The following ZNF790 variants were observed in gnomAD, a reference collection of about 807,000 sequenced individuals.
The protein encoded by ZNF790 is zinc finger protein 790.
ZNF790 carries 8 observed loss-of-function variants against 12.1 expected under a neutral mutation model. That is an observed-to-expected ratio of 0.66 (90% CI 0.39 to 1.19). The LOEUF (loss-of-function observed/expected upper bound fraction) is 1.19. ZNF790 is among the 50% of genes most tolerant of loss of function. The pLI is 0.01. For synonymous variants in ZNF790, 252 were observed against 244.3 expected (o/e 1.03, Z -0.29); for missense variants, 707 against 752.2 (o/e 0.94, Z 0.70).
intron 1 of ZNF790, among the ~76,000 whole-genome samples, chr19:36,831,692 T>C (rs2071948285): frequency 6.6e-6 from 1 of 152,152 alleles, no homozygotes; most frequent in South Asian, 2.1e-4. Flanking sequence ...AGAGATCCAA[T>C]ATGCAAAACG....
At chr19:36,827,215 G>A (rs1488968263) in intron 1 of ZNF790, among the ~76,000 whole-genome samples, 1 of 144,430 alleles carries the variant, frequency 6.9e-6, no homozygotes, top group Non-Finnish European at 1.5e-5. Context: ...ACCAGACTGG[G>A]AAGCAACAGC....
intron 1 of ZNF790, among the ~76,000 whole-genome samples, chr19:36,831,729 T>C (rs541673236): frequency 6.6e-6 from 1 of 152,196 alleles, no homozygotes; most frequent in South Asian, 2.1e-4. Context: ...GAAATCCAAA[T>C]TAAGAGGATA....
At position 36,818,878 on chromosome 19, in the gene ZNF790, C is replaced by T. The variant is rs755241917; in HGVS notation, c.1466G>A (p.Arg489His). Residue 489 changes from arginine to histidine, a missense_variant, in exon 5 of 5, where the codon CGT (arginine) becomes CAT (histidine). Physicochemically the swap from Arg to His is conservative, Grantham distance 29. Transcript: ENST00000356725. ...ECKECGKTFF[R>H]GSELNRHQKI... ...CTGGTGTCGATTAAGTTCTGAACCA[C>T]GAAAAAAGGTCTTTCCACATTCCTT... 1.1e-5 allele frequency: 18 copies of T among 1,612,386 alleles called. No homozygotes were observed. The highest frequency in any genetic ancestry group is 1.6e-4 in the Middle Eastern group (1 of 6,078).
Position 36,823,339 on chromosome 19 carries a change from TCTC to T in ZNF790, c.172_174del (p.Glu58del). On this transcript the variant is annotated inframe_deletion, in exon 4 of 5. Transcript: ENST00000356725. The stretch of plus-strand genomic sequence containing the variant: ...AAAATCTTCCAGGGCTCTTTCCCTT[TCTC>T]CAATAAAGAGAACGCTTCTGGCTGA... The T allele has an allele frequency of 1.9e-6, 3 of 1,614,102 alleles. No individual in the cohort carries two copies. Among genetic ancestry groups the T allele is most frequent in the Non-Finnish European group, 2.5e-6 (3 of 1,180,016 alleles).
At chr19:36,830,021 T>G (rs577319635) in intron 1 of ZNF790, among the ~76,000 whole-genome samples, 1 of 152,346 alleles carries the variant, frequency 6.6e-6, no homozygotes, top group South Asian at 2.1e-4. Flanking sequence ...TTCCGTTCTT[T>G]TCTCCAGTGT....
rs369671729 is a variant in ZNF790 at position 36,827,141 on chromosome 19, C to CATATATATATAT, written c.-73-1461_-73-1450dup. ...ATACACACACACACACACACACACA[C>CATATATATATAT]ATATATATATATATATATATATATA... On this transcript the variant is annotated intron_variant, in intron 1 of 4. Transcript: ENST00000356725. 3.2e-3 allele frequency among the ~76,000 whole-genome samples: 270 copies of CATATATATATAT among 84,382 alleles called. 3 individuals are homozygous for CATATATATATAT. The highest frequency in any genetic ancestry group is 4.4e-3 in the East Asian group (9 of 2,054). The allele number at this position is 84,382 out of a possible 152,430, so 55.4% of individuals were successfully genotyped here.
Position 36,819,081 on chromosome 19 carries a change from A to C in ZNF790, c.1263T>G (p.Pro421=), listed in dbSNP as rs1374990130. Residue 421 remains proline (P), a synonymous_variant, in exon 5 of 5, where the codon CCT becomes CCG. Coordinates refer to ENST00000356725, the MANE Select transcript of ZNF790 (RefSeq NM_206894.4). ...RHQRIHTGRK[P]YECKQCGKTF... ...TCTTCCCGCATTGCTTACATTCATA[A>C]GGTTTCCTGCCAGTATGAATTCGCT... The C allele has an allele frequency of 6.2e-7, 1 of 1,613,954 alleles. No homozygotes were observed. The highest frequency in any genetic ancestry group is 8.5e-7 in the Non-Finnish European group (1 of 1,179,920).
chr19:36,829,247 G>T (rs972317745), intron 1 of ZNF790, among the ~76,000 whole-genome samples: 17 of 152,148 alleles, frequency 1.1e-4, no homozygotes, highest in Non-Finnish European at 2.9e-5. Flanking sequence ...ATTTCGAAAA[G>T]AAACTCTAAC....
rs568088464 is a variant in ZNF790, at chr19:36,833,669, C to T, written c.-74+4668G>A. Among the ~76,000 whole-genome samples, 4 of 152,198 alleles carry T rather than the reference C, an allele frequency of 2.6e-5. No homozygotes were observed. In the East Asian group the frequency reaches 7.7e-4, roughly 29 times the overall value. The stretch of plus-strand genomic sequence containing the variant: ...TATAATATCAAGACACCATAGATTT[C>T]AGAGCAAATAAATAACATGGAAGAA... On this transcript the variant is annotated intron_variant, in intron 1 of 4. Transcript: ENST00000356725.
chr19:36,829,469 T>G (rs2071901673), intron 1 of ZNF790, among the ~76,000 whole-genome samples: 2 of 152,360 alleles, frequency 1.3e-5, no homozygotes, highest in South Asian at 4.1e-4. Flanking sequence ...AGTACTTCAT[T>G]CCTTGCTATG....
intron 3 of ZNF790, 79 bp downstream of exon 3, chr19:36,823,588 T>TGGG (rs2071724308): frequency 3.7e-5 from 58 of 1,551,890 alleles, no homozygotes; most frequent in Non-Finnish European, 5.0e-5. Context: ...GGTCAGAAGT[T>TGGG]ACCCTGGACA....
At chr19:36,820,973 G>A (rs907933085) in intron 4 of ZNF790, among the ~76,000 whole-genome samples, 1 of 142,296 alleles carries the variant, frequency 7.0e-6, no homozygotes, top group Non-Finnish European at 1.5e-5. Context: ...ATGTATACAT[G>A]TGCCATGCTG....
chr19:36,842,666 A>G (rs551430461), upstream of ZNF790, among the ~76,000 whole-genome samples: 2 of 142,308 alleles, frequency 1.4e-5, no homozygotes, highest in East Asian at 4.3e-4. Flanking sequence ...GATATAATAC[A>G]AAAAAAAAAA....
At chr19:36,835,631 T>C (rs1319630089) in intron 1 of ZNF790, among the ~76,000 whole-genome samples, 1 of 152,174 alleles carries the variant, frequency 6.6e-6, no homozygotes, top group African/African-American at 2.4e-5. Context: ...ATAATACAAA[T>C]CTATTATCAT....
At chr19:36,840,037 T>G (rs376683051), upstream of ZNF790, among the ~76,000 whole-genome samples, 11 of 152,162 alleles carry the variant, frequency 7.2e-5, no homozygotes, top group East Asian at 9.6e-4. Flanking sequence ...CACTCCAGTC[T>G]GGGCGACAAG....
chr19:36,835,201 A>G (rs961579396), intron 1 of ZNF790, among the ~76,000 whole-genome samples: 3 of 152,214 alleles, frequency 2.0e-5, no homozygotes, highest in Non-Finnish European at 4.4e-5. Flanking sequence ...AGGCAGGAGA[A>G]TTGCTTGAAC....
At chr19:36,839,130 C>T (rs1056000131), upstream of ZNF790, among the ~76,000 whole-genome samples, 9 of 152,200 alleles carry the variant, frequency 5.9e-5, no homozygotes, top group African/African-American at 2.2e-4. Flanking sequence ...TCATGCCATT[C>T]TTTTTGCTGA....
chr19:36,822,722 T>C (rs1255844744), intron 4 of ZNF790, among the ~76,000 whole-genome samples: 1 of 152,034 alleles, frequency 6.6e-6, no homozygotes, highest in African/African-American at 2.4e-5. Context: ...GTATTTTTAG[T>C]AGAGACGAGG....
rs1417303390 is a variant in ZNF790 at position 36,818,780 on chromosome 19, T to G, written c.1564A>C (p.Thr522Pro). The G allele has an allele frequency of 6.2e-7, 1 of 1,609,938 alleles. No individual in the cohort carries two copies. The highest frequency in any genetic ancestry group is 8.5e-7 in the Non-Finnish European group (1 of 1,178,462). ...CCAGTATGCATTCTCTGATGTCGAG[T>G]AAGTTGTGAACCCCAGAGAAAGGCT... ...GKAFLWGSQL[T>P]RHQRMHTGEE... The change falls in exon 5 of 5, where the codon ACT (threonine) becomes CCT (proline). Residue 522 changes from threonine (T) to proline (P), a missense_variant. Coordinates refer to ENST00000356725, the MANE Select transcript of ZNF790 (RefSeq NM_206894.4).
Sources: gnomAD v4.1 joint callset for allele counts (sites outside exome capture counted in the v4.1 genomes callset) on GRCh38, gnomAD v4.1.1 for gene constraint, MANE v1.5 for transcripts, NCBI Gene and HGNC (gene_info 2026-07-23, HGNC 2026-07-21) for gene names.